The following SASH1 variants were observed in gnomAD, a reference collection of about 807,000 sequenced individuals.
The protein encoded by SASH1 is SAM and SH3 domain-containing protein 1.
SASH1 carries 44 observed loss-of-function variants against 125.2 expected under a neutral mutation model. The ratio of observed to expected loss-of-function variants is 0.35; its 90% CI spans 0.28 to 0.45. The LOEUF (loss-of-function observed/expected upper bound fraction) is 0.45. Ranked by LOEUF, SASH1 falls within the 20% of genes least tolerant of loss-of-function variation. SASH1 has a pLI of 1.00. For missense variants in SASH1, 1,426 were observed against 1,614.5 expected (o/e 0.88, Z 2.00); for synonymous variants, 639 against 649.1 (o/e 0.98, Z 0.24).
intron 12 of SASH1, 126 bp downstream of exon 12, chr6:148,527,722 G>A (rs999005292): frequency 4.7e-5 from 43 of 922,302 alleles, no homozygotes; most frequent in Middle Eastern, 2.2e-4. Context: ...CTCCAAGTCC[G>A]TGCTTTATTT....
chr6:148,244,176 A>C, the SASH1 span, among the ~76,000 whole-genome samples: 1 of 152,144 alleles, frequency 6.6e-6, no homozygotes, highest in Admixed American at 6.5e-5. Flanking sequence ...CCCCTTTCCC[A>C]GCTCTAAGCC....
intron 1 of SASH1, among the ~76,000 whole-genome samples, chr6:148,318,884 G>T (rs1582958464): frequency 6.6e-6 from 1 of 151,860 alleles, no homozygotes; most frequent in South Asian, 2.1e-4. Context: ...TTCACACAGA[G>T]AATATTTTCC....
chr6:148,425,336 G>A (rs1275000550), intron 2 of SASH1, among the ~76,000 whole-genome samples: 4 of 152,088 alleles, frequency 2.6e-5, no homozygotes, highest in Non-Finnish European at 5.9e-5. Context: ...AATGAAATAA[G>A]GTGCTTTTAC....
chr6:148,225,986 A>G, the SASH1 span, among the ~76,000 whole-genome samples: 1 of 152,198 alleles, frequency 6.6e-6, no homozygotes, highest in Non-Finnish European at 1.5e-5. Flanking sequence ...AAGTAGACCC[A>G]ATGGAGAAAC....
chr6:148,210,562 C>T, the SASH1 span, among the ~76,000 whole-genome samples: 2 of 152,184 alleles, frequency 1.3e-5, no homozygotes, highest in Admixed American at 1.3e-4. Flanking sequence ...AAAACTATAT[C>T]ATTGCTGTCT....
At chr6:148,354,636 A>G (rs1470862735) in intron 1 of SASH1, among the ~76,000 whole-genome samples, 1 of 152,234 alleles carries the variant, frequency 6.6e-6, no homozygotes, top group Non-Finnish European at 1.5e-5. Flanking sequence ...TCATATAACA[A>G]TGGCCCCACC....
At chr6:148,355,034 C>T (rs577953710) in intron 1 of SASH1, among the ~76,000 whole-genome samples, 89 of 152,302 alleles carry the variant, frequency 5.8e-4, no homozygotes, top group African/African-American at 2.0e-3. Flanking sequence ...GCTGGGATTA[C>T]AGGCATGAGC....
At chr6:148,437,057 A>G (rs1239595773) in intron 2 of SASH1, among the ~76,000 whole-genome samples, 1 of 152,200 alleles carries the variant, frequency 6.6e-6, no homozygotes, top group Non-Finnish European at 1.5e-5. Context: ...GTAAACCATC[A>G]GCTATTCTCT....
chr6:148,419,066 T>C lies in SASH1; in HGVS notation c.286-21118T>C, dbSNP rs143626033. Among the ~76,000 whole-genome samples, 3 of 152,334 alleles carry C rather than the reference T, an allele frequency of 2.0e-5. No individual in the cohort carries two copies. The East Asian group carries it at 5.8e-4, about 29-fold the overall frequency. ...TTTGAGAGGTTTTCTTGTTGCTCTG[T>C]GAATAATTTATGGCAAAAACAGACA... On this transcript the variant is annotated intron_variant, in intron 2 of 19. Coordinates refer to ENST00000367467, the MANE Select transcript of SASH1 (RefSeq NM_015278.5).
chr6:148,549,968 C>T lies in SASH1; in HGVS notation c.*1410C>T. 6.3e-6 allele frequency: 1 copy of T among 159,188 alleles called. No homozygotes were observed. The highest frequency in any genetic ancestry group is 2.4e-5 in the African/African-American group (1 of 41,920). The allele number at this position is 159,188 out of a possible 1,614,324, so 9.9% of individuals were successfully genotyped here. ...GGGATTATAGGCACCCACCACCACG[C>T]CCAGCTAATTTTTGTATTATTAGTA... On this transcript the variant is annotated 3_prime_UTR_variant, in exon 20 of 20. Coordinates refer to ENST00000367467, the MANE Select transcript of SASH1 (RefSeq NM_015278.5).
At chr6:148,491,640 CT>C (rs984538783) in intron 8 of SASH1, among the ~76,000 whole-genome samples, 3 of 152,206 alleles carry the variant, frequency 2.0e-5, no homozygotes, top group East Asian at 3.9e-4. Flanking sequence ...CAGTCTTTAC[CT>C]TTTTTTCTAT....
At position 148,487,612 on chromosome 6, in the gene SASH1, A is replaced by G; in HGVS notation, c.628-2A>G. ...TTCAGTATCCATTTCTTCTTGTTAC[A>G]GCTCAAGGAATACGAGGCCCAGCAC... is the stretch of plus-strand genomic sequence containing the variant. On this transcript the variant is annotated splice_acceptor_variant, in intron 7 of 19. Coordinates refer to ENST00000367467, the MANE Select transcript of SASH1 (RefSeq NM_015278.5). LOFTEE classifies it high-confidence loss of function. The G allele has an allele frequency of 6.2e-7, 1 of 1,610,294 alleles. No homozygotes were observed. Among genetic ancestry groups the G allele is most frequent in the Non-Finnish European group, 8.5e-7 (1 of 1,177,552 alleles).
At chr6:148,451,157 G>C (rs886098041) in intron 4 of SASH1, among the ~76,000 whole-genome samples, 5 of 152,122 alleles carry the variant, frequency 3.3e-5, no homozygotes, top group Admixed American at 6.5e-5. Context: ...CCAGAATAAT[G>C]GTTTGCACAG....
In SASH1 at chr6:148,372,673, T is replaced by A. The variant is rs187245249; in HGVS notation, c.157-17461T>A. ...TGAGCTTAGTGCCTGGCAAGGTGCATGTTGATTGATTGTTTCATTTATTCC... is the reference window on the plus strand; with the variant it reads ...TGAGCTTAGTGCCTGGCAAGGTGCAAGTTGATTGATTGTTTCATTTATTCC... On this transcript the variant is annotated intron_variant, in intron 1 of 19. Coordinates refer to ENST00000367467, the MANE Select transcript of SASH1 (RefSeq NM_015278.5). Among the ~76,000 whole-genome samples, 129 of 150,908 alleles carry A rather than the reference T, an allele frequency of 8.5e-4. 1 individual carries two copies. Among genetic ancestry groups the A allele is most frequent in the Non-Finnish European group, 1.1e-3 (78 of 67,874 alleles).
chr6:148,548,161 C>A, intron 19 of SASH1, 134 bp from the exon 20 acceptor site: 1 of 747,252 alleles, frequency 1.3e-6, no homozygotes, highest in Non-Finnish European at 2.1e-6. Flanking sequence ...TGATCTCTGA[C>A]ACTCATTGCA....
At chr6:148,381,593 C>T (rs1018121281) in intron 1 of SASH1, among the ~76,000 whole-genome samples, 3 of 146,652 alleles carry the variant, frequency 2.0e-5, no homozygotes, top group African/African-American at 7.6e-5. Flanking sequence ...AGGAAGCGAA[C>T]TCCATCAGTG....
chr6:148,311,179 T>C (rs1780318468), intron 1 of SASH1, among the ~76,000 whole-genome samples: 1 of 151,680 alleles, frequency 6.6e-6, no homozygotes, highest in South Asian at 2.1e-4. Flanking sequence ...TGGTCTCGGC[T>C]CACTGCAACA....
At chr6:148,398,654 C>A (rs926699300) in intron 2 of SASH1, among the ~76,000 whole-genome samples, 2 of 152,046 alleles carry the variant, frequency 1.3e-5, no homozygotes, top group African/African-American at 4.8e-5. Context: ...CTGCTGAAGC[C>A]CCGTTGTTTC....
At chr6:148,298,696 AG>A (rs1422529150) in intron 1 of SASH1, among the ~76,000 whole-genome samples, 2 of 82,694 alleles carry the variant, frequency 2.4e-5, no homozygotes, top group African/African-American at 9.6e-5. Context: ...GAAGGAAGGA[AG>A]GAAGGAAGGA....
Sources: gnomAD v4.1 joint callset for allele counts (sites outside exome capture counted in the v4.1 genomes callset) on GRCh38, gnomAD v4.1.1 for gene constraint, MANE v1.5 for transcripts, NCBI Gene and HGNC (gene_info 2026-07-23, HGNC 2026-07-21) for gene names.